CHFR: variants seen among roughly 807,000 people sequenced by gnomAD.
The protein encoded by CHFR is E3 ubiquitin-protein ligase CHFR.
A neutral mutation model predicts 87.6 loss-of-function variants in CHFR; 57 were observed. The ratio of observed to expected loss-of-function variants is 0.65; its 90% confidence interval spans 0.53 to 0.81. The LOEUF is 0.81. Ranked by LOEUF, CHFR falls within the 30% of genes least tolerant of loss-of-function variation. CHFR has a pLI of 0.00. For synonymous variants in CHFR, 381 were observed against 359.2 expected, an observed-to-expected ratio of 1.06 and a Z score of -0.69; for missense variants, 797 against 865.8, an observed-to-expected ratio of 0.92 and a Z score of 1.00.
intron 15 of CHFR, among the ~76,000 whole-genome samples, chr12:132,844,892 C>T (rs1950785115): frequency 6.6e-6 from 1 of 152,084 alleles, no homozygotes; most frequent in Non-Finnish European, 1.5e-5. Context: ...CTCGGCTTCC[C>T]AAAATGCTGG....
chr12:132,851,599 C>T lies in CHFR; in HGVS notation c.1492+19G>A, dbSNP rs199908697. The T allele has an allele frequency of 1.6e-5, 25 of 1,596,124 alleles. No homozygotes were observed. The Admixed American group carries it at 3.4e-4, about 22-fold the overall frequency. ...GGACAGATAGGAACCCGCCTGCGTG[C>T]GGTGGCGCGGGCACTCACACTGCTG... On this transcript the variant is annotated intron_variant, in intron 12 of 17. Coordinates refer to ENST00000450056, the MANE Select transcript of CHFR (RefSeq NM_001161346.2).
At chr12:132,870,121 G>A (rs1455403682) in intron 5 of CHFR, among the ~76,000 whole-genome samples, 2 of 152,092 alleles carry the variant, frequency 1.3e-5, no homozygotes, top group Non-Finnish European at 2.9e-5. Context: ...GGGAGGCTGA[G>A]GCGGGTAGAT....
intron 14 of CHFR, 66 bp downstream of exon 14, chr12:132,848,019 G>T: frequency 6.2e-7 from 1 of 1,611,872 alleles, no homozygotes; most frequent in South Asian, 1.1e-5. Context: ...AGAATGCAGA[G>T]AACCAGCTGG....
At position 132,856,483 on chromosome 12, in the gene CHFR, T is replaced by A. The variant is rs779111370; in HGVS notation, c.1214A>T (p.Glu405Val). 1.2e-6 allele frequency: 2 copies of A among 1,614,144 alleles called. No homozygotes were observed. Among genetic ancestry groups the A allele is most frequent in the South Asian group, 1.1e-5 (1 of 91,088 alleles). Reference protein sequence around the residue: ...DLLELSDVDSESSDISQPYVV... With the variant: ...DLLELSDVDSVSSDISQPYVV... The stretch of plus-strand genomic sequence containing the variant: ...CATGATTTACCTAATGTCTGAGGAC[T>A]CACTGTCAACGTCTGACAGCTCCAG... The change falls in exon 10 of 18, where the codon GAG becomes GTG. Residue 405 changes from glutamate (E) to valine (V), a missense_variant. Around this residue, in one of 2 missense-constraint regions of CHFR, gnomAD observed 597 missense variants for 601.2 expected, o/e 0.99. Coordinates refer to ENST00000450056, the MANE Select transcript of CHFR (RefSeq NM_001161346.2).
chr12:132,842,315 CTG>C (rs764464430), intron 17 of CHFR, among the ~76,000 whole-genome samples: 1 of 152,216 alleles, frequency 6.6e-6, no homozygotes, highest in Non-Finnish European at 1.5e-5. Flanking sequence ...CTACTGAAAA[CTG>C]TCTGCCAGTC....
chr12:132,862,748 T>C (rs1464091353), intron 6 of CHFR, among the ~76,000 whole-genome samples: 1 of 148,478 alleles, frequency 6.7e-6, no homozygotes, highest in Non-Finnish European at 1.5e-5. Flanking sequence ...CCCAGCTAAT[T>C]TTTTTGTATT....
intron 6 of CHFR, among the ~76,000 whole-genome samples, chr12:132,864,329 C>A: frequency 6.6e-6 from 1 of 152,314 alleles, no homozygotes; most frequent in East Asian, 1.9e-4. Context: ...TCCAGCGCCC[C>A]GTGCTCAGCC....
chr12:132,842,011 G>A (rs1237301383), intron 17 of CHFR, among the ~76,000 whole-genome samples: 1 of 151,002 alleles, frequency 6.6e-6, no homozygotes, highest in African/African-American at 2.4e-5. Flanking sequence ...TCGGGAGGCT[G>A]AGGCAAAAGA....
chr12:132,862,496 C>T, intron 6 of CHFR: 1 of 419,874 alleles, frequency 2.4e-6, no homozygotes, highest in Admixed American at 2.7e-5. Flanking sequence ...CCCAGCTACT[C>T]AGGAGGCTGA....
chr12:132,836,616 A>G lies in CHFR; in HGVS notation c.*4938T>C, dbSNP rs1191683719. 6.6e-6 allele frequency: 3 copies of G among 455,780 alleles called. No homozygotes were observed. Among genetic ancestry groups the G allele is most frequent in the Non-Finnish European group, 8.8e-6 (2 of 226,766 alleles). The allele number at this position is 455,780 out of a possible 1,614,324, so 28.2% of individuals were successfully genotyped here. A position where few individuals can be genotyped will look rare whatever the true frequency, so the allele number is the denominator to read the frequency against. ...ACTCCTGGTCTGACTGGCCTTCAAC[A>G]TTCTCTCCTGAGTCCATTCCTTCCA... On this transcript the variant is annotated 3_prime_UTR_variant, in exon 18 of 18. Coordinates refer to ENST00000450056, the MANE Select transcript of CHFR (RefSeq NM_001161346.2).
chr12:132,881,973 A>G (rs186170072), intron 2 of CHFR, among the ~76,000 whole-genome samples: 131 of 152,304 alleles, frequency 8.6e-4, no homozygotes, highest in Admixed American at 1.5e-3. Context: ...ATGGACAAGC[A>G]CATGGGAAAC....
intron 3 of CHFR, among the ~76,000 whole-genome samples, chr12:132,873,668 T>C (rs1343685595): frequency 7.2e-6 from 1 of 139,218 alleles, no homozygotes; most frequent in Admixed American, 7.2e-5. Flanking sequence ...CGGACTTGGG[T>C]GCATGCAGGG....
chr12:132,860,007 G>A (rs577261608), intron 7 of CHFR, among the ~76,000 whole-genome samples: 4 of 152,202 alleles, frequency 2.6e-5, no homozygotes, highest in African/African-American at 4.8e-5. Context: ...ACTGCACCAC[G>A]GCGCTCTGGC....
chr12:132,848,699 G>A lies in CHFR; in HGVS notation c.1518C>T (p.Cys506=), dbSNP rs1950877658. The A allele has an allele frequency of 6.3e-7, 1 of 1,591,322 alleles. No homozygotes were observed. Among genetic ancestry groups the A allele is most frequent in the African/African-American group, 1.3e-5 (1 of 74,650 alleles). The part of the protein sequence containing the change: ...QQCAVCLQPF[C]HLYWGCTRTG... ...TCCGGGTGCAGCCCCAGTACAGGTG[G>A]CAGAAAGGCTGCAGGCAGACCGCAC... The change falls in exon 13 of 18, where the codon TGC becomes TGT. Residue 506 remains cysteine (C), a synonymous_variant. Transcript: ENST00000450056.
chr12:132,878,642 A>G (rs1412457929), intron 2 of CHFR, among the ~76,000 whole-genome samples: 2 of 151,634 alleles, frequency 1.3e-5, no homozygotes, highest in East Asian at 3.9e-4. Flanking sequence ...ACACAGTGAA[A>G]CCCCATCTCT....
chr12:132,884,504 T>A (rs1041023723), intron 2 of CHFR, among the ~76,000 whole-genome samples: 3 of 152,032 alleles, frequency 2.0e-5, no homozygotes, highest in Non-Finnish European at 4.4e-5. Flanking sequence ...TGTAACTGAG[T>A]GTCTGTACCC....
intron 13 of CHFR, 185 bp downstream of exon 13, chr12:132,848,456 G>T (rs1950873213): frequency 1.4e-6 from 1 of 691,976 alleles, no homozygotes; most frequent in Non-Finnish European, 2.5e-6. Context: ...GTTAAGGCTT[G>T]ATTTTGAGCT....
intron 7 of CHFR, among the ~76,000 whole-genome samples, chr12:132,860,002 A>G (rs1951179097): frequency 6.6e-6 from 1 of 152,184 alleles, no homozygotes; most frequent in South Asian, 2.1e-4. Flanking sequence ...CCAAGACTGC[A>G]CCACGGCGCT....
intron 14 of CHFR, 186 bp downstream of exon 14, chr12:132,847,899 A>G (rs557662715): frequency 7.0e-7 from 1 of 1,434,048 alleles, no homozygotes; most frequent in East Asian, 2.5e-5. Context: ...TACGGAAAAA[A>G]CAGACAAACA....
Sources: allele counts gnomAD v4.1 joint callset (sites outside exome capture counted in the v4.1 genomes callset), GRCh38; gene constraint gnomAD v4.1.1; regional missense constraint gnomAD v4.1.1; transcripts MANE v1.5; gene names NCBI Gene and HGNC (gene_info 2026-07-23, HGNC 2026-07-21).